Variants in CHD5 observed in about 807,000 individuals in gnomAD.
CHD5 encodes chromodomain helicase DNA binding protein 5.
In CHD5, 69 loss-of-function variants were observed where a neutral mutation model predicts 230.3. The observed-to-expected ratio is 0.30, with a 90% CI of 0.25 to 0.37. CHD5 has a LOEUF of 0.37. Ranked by LOEUF, CHD5 falls within the 10% of genes least tolerant of loss-of-function variation. The probability of loss-of-function intolerance (pLI) is 1.00; values close to 1 mark genes in which losing one functional copy is unlikely to be tolerated. For missense variants in CHD5, 1,827 were observed against 2,622.8 expected, an observed-to-expected ratio of 0.70 and a Z score of 6.63; for synonymous variants, 1,064 against 1,065.9, an observed-to-expected ratio of 1.00 and a Z score of 0.03.
chr1:6,176,436 T>C (rs1289327327), intron 1 of CHD5, among the ~76,000 whole-genome samples: 2 of 152,180 alleles, frequency 1.3e-5, no homozygotes, highest in Non-Finnish European at 2.9e-5. Flanking sequence ...AGGCAGGGAA[T>C]TTGCCAGCCC....
In CHD5 at chr1:6,121,068, A is replaced by G; in HGVS notation, c.4912+37T>C. On this transcript the variant is annotated intron_variant, in intron 33 of 41. Transcript: ENST00000262450. The surrounding 1 kb of genome is among the most constrained non-coding windows in gnomAD (Gnocchi z 4.5). ...GAACCCAGGCCTGCTGAGGCCAGAC[A>G]TGGCACTGGGGTGGGTGGCCTGCAA... 1.3e-6 allele frequency: 2 copies of G among 1,543,968 alleles called. No individual in the cohort carries two copies. Among genetic ancestry groups the G allele is most frequent in the East Asian group, 4.5e-5 (2 of 44,160 alleles).
chr1:6,111,839 A>G lies in CHD5; in HGVS notation c.5185T>C (p.Ser1729Pro). 6.2e-7 allele frequency: 1 copy of G among 1,613,394 alleles called. No homozygotes were observed. The highest frequency in any genetic ancestry group is 8.5e-7 in the Non-Finnish European group (1 of 1,180,016). The change falls in exon 36 of 42, where the codon TCT (serine) becomes CCT (proline). Residue 1729 changes from serine (S) to proline (P), a missense_variant. Ser to Pro is a moderately conservative substitution (Grantham distance 74, BLOSUM62 -1). Transcript: ENST00000262450. ...TGCCAGATGTCGTAGATTTTCCCAGAGGATACAGCAGCCCGCTCCTCGTTC... is the reference window on the plus strand; with the variant it reads ...TGCCAGATGTCGTAGATTTTCCCAGGGGATACAGCAGCCCGCTCCTCGTTC... ...WQNEERAAVS[S>P]GKIYDIWHRR...
chr1:6,142,462 C>T lies in CHD5; in HGVS notation c.2187G>A (p.Leu729=). The change falls in exon 14 of 42, where the codon CTG becomes CTA. Residue 729 remains leucine, a synonymous_variant. Transcript: ENST00000262450. The surrounding 1 kb of genome is among the most constrained non-coding windows in gnomAD (Gnocchi z 5.2). ...TDTILADEMG[L]GKTVQTIVFL... ...ACACGATGGTCTGCACCGTCTTGCCCAGACCCATCTCATCGGCCAGGATGG... is the reference window on the plus strand; with the variant it reads ...ACACGATGGTCTGCACCGTCTTGCCTAGACCCATCTCATCGGCCAGGATGG... 1 of 1,614,168 alleles carries T rather than the reference C, an allele frequency of 6.2e-7. No individual in the cohort carries two copies. The highest frequency in any genetic ancestry group is 8.5e-7 in the Non-Finnish European group (1 of 1,180,012).
At chr1:6,177,113 G>T (rs1032907530) in intron 1 of CHD5, among the ~76,000 whole-genome samples, 1 of 152,168 alleles carries the variant, frequency 6.6e-6, no homozygotes, top group Non-Finnish European at 1.5e-5. Context: ...AAAAAAGATC[G>T]GACAAGTCAT....
intron 1 of CHD5, 46 bp from the exon 2 acceptor site, chr1:6,168,323 A>G: frequency 6.4e-7 from 1 of 1,560,520 alleles, no homozygotes; most frequent in Non-Finnish European, 8.7e-7. Flanking sequence ...AGCTTCCTCC[A>G]GGAGAGCCCT....
Position 6,142,674 on chromosome 1 carries a change from T to A in CHD5, c.2044-69A>T. On this transcript the variant is annotated intron_variant, in intron 13 of 41. Coordinates refer to ENST00000262450, the MANE Select transcript of CHD5 (RefSeq NM_015557.3). The surrounding 1 kb of genome is among the most constrained non-coding windows in gnomAD (Gnocchi z 5.2). ...CACCAGAGTCCACACTACAGGCCTT[T>A]GCACATGCAATTCCTTCTGCCTGGA... The A allele has an allele frequency of 6.9e-7, 1 of 1,457,590 alleles. No homozygotes were observed. Among genetic ancestry groups the A allele is most frequent in the African/African-American group, 1.4e-5 (1 of 71,562 alleles). The allele number at this position is 1,457,590 out of a possible 1,614,324, so 90.3% of individuals were successfully genotyped here.
In CHD5 at chr1:6,152,475, T is replaced by C. The variant is rs1450196682; in HGVS notation, c.807A>G (p.Lys269=). 1.2e-6 allele frequency: 2 copies of C among 1,614,092 alleles called. No individual in the cohort carries two copies. Among genetic ancestry groups the C allele is most frequent in the Non-Finnish European group, 1.7e-6 (2 of 1,180,050 alleles). The change falls in exon 6 of 42, where the codon AAA becomes AAG. Residue 269 remains lysine (K), a synonymous_variant. Transcript: ENST00000262450. ...SKDGKKKGKG[K]KTAGLKFRFG... ...AGCGGAACTTGAGCCCGGCCGTCTT[T>C]TTCCCTTTGCCCTTTTTCTTCCCAT...
At chr1:6,153,981 G>T (rs1667043867) in intron 5 of CHD5, among the ~76,000 whole-genome samples, 1 of 152,100 alleles carries the variant, frequency 6.6e-6, no homozygotes, top group African/African-American at 2.4e-5. Context: ...TCAAGTCACA[G>T]GGGGCCTCTG....
chr1:6,133,597 C>T (rs963592371), intron 20 of CHD5, among the ~76,000 whole-genome samples: 4 of 152,258 alleles, frequency 2.6e-5, no homozygotes, highest in African/African-American at 9.6e-5. Flanking sequence ...CTGTCTCCCA[C>T]AGTAGACTGA....
Position 6,130,114 on chromosome 1 carries a change from T to G in CHD5, c.3387+90A>C. On this transcript the variant is annotated intron_variant, in intron 22 of 41. Coordinates refer to ENST00000262450, the MANE Select transcript of CHD5 (RefSeq NM_015557.3). The surrounding 1 kb of genome is among the most constrained non-coding windows in gnomAD (Gnocchi z 4.9). ...CACAGCACCAGGATAGGTGAGGGGG[T>G]GATGGCAAGAAGGGCATGAAGGACA... 2.1e-6 allele frequency: 3 copies of G among 1,451,872 alleles called. No individual in the cohort carries two copies. Among genetic ancestry groups the G allele is most frequent in the East Asian group, 2.3e-5 (1 of 42,996 alleles). 89.9% of individuals were successfully genotyped at this position (1,451,872 alleles called of 1,614,324 possible). A position where few individuals can be genotyped will look rare whatever the true frequency, so the allele number is the denominator to read the frequency against.
In CHD5 at chr1:6,121,676, G is replaced by C; in HGVS notation, c.4700-103C>G. 1 of 755,498 alleles carries C rather than the reference G, an allele frequency of 1.3e-6. No homozygotes were observed. Among genetic ancestry groups the C allele is most frequent in the Non-Finnish European group, 2.2e-6 (1 of 453,360 alleles). The allele number at this position is 755,498 out of a possible 1,614,324, so 46.8% of individuals were successfully genotyped here. ...GGAGAGATGGGGGCTTGGCCTTCGG[G>C]AGGCTCCACTGCAGCCAAGCACCTC... On this transcript the variant is annotated intron_variant, in intron 31 of 41. Transcript: ENST00000262450. The surrounding 1 kb of genome is among the most constrained non-coding windows in gnomAD (Gnocchi z 4.5).
Position 6,115,382 on chromosome 1 carries a change from G to A in CHD5, c.4913-2384C>T, listed in dbSNP as rs140168610. The stretch of plus-strand genomic sequence containing the variant: ...CGCCCTGCAAGATCCCCTGGAAGGT[G>A]AAGAGGACAAACTCGACTCCCCAGA... On this transcript the variant is annotated intron_variant, in intron 33 of 41. Coordinates refer to ENST00000262450, the MANE Select transcript of CHD5 (RefSeq NM_015557.3). Among the ~76,000 whole-genome samples the A allele has an allele frequency of 6.1e-3, 922 of 152,322 alleles. 9 individuals are homozygous for A. Among genetic ancestry groups the A allele is most frequent in the African/African-American group, 0.021 (868 of 41,564 alleles).
intron 3 of CHD5, 114 bp downstream of exon 3, chr1:6,159,222 C>G: frequency 6.9e-7 from 1 of 1,446,106 alleles, no homozygotes; most frequent in Non-Finnish European, 9.1e-7. Context: ...CAGAGTGAGA[C>G]TCCATCACAC....
chr1:6,144,200 C>T (rs762575362), intron 11 of CHD5, 45 bp from the exon 12 acceptor site: 2 of 1,610,934 alleles, frequency 1.2e-6, no homozygotes, highest in East Asian at 2.2e-5. Context: ...GCAGTGGCCA[C>T]AGCACAGGTT....
intron 1 of CHD5, among the ~76,000 whole-genome samples, chr1:6,174,567 T>C (rs528080235): frequency 6.8e-5 from 10 of 147,198 alleles, no homozygotes; most frequent in Admixed American, 6.7e-4. Flanking sequence ...GGACGGATGG[T>C]GGATGGGTGG....
In CHD5 at chr1:6,143,839, T is replaced by G. The variant is rs1666869297; in HGVS notation, c.2027A>C (p.Asp676Ala). The change falls in exon 13 of 42, where the codon GAC becomes GCC. Residue 676 changes from aspartate to alanine, a missense_variant. Asp to Ala is a moderately radical substitution (Grantham distance 126, BLOSUM62 -2). Around this residue, in one of 14 missense-constraint regions of CHD5, gnomAD observed 657 missense variants for 816.4 expected, o/e 0.80. Coordinates refer to ENST00000262450, the MANE Select transcript of CHD5 (RefSeq NM_015557.3). ...CCCACTCACGTCCACAATGGGCGTG[T>G]CCGGCGGCTTCTCCTGCTTGTCGTC... Reference protein sequence around the residue: ...LRDDKQEKPPDTPIVDPTVKF... With the variant: ...LRDDKQEKPPATPIVDPTVKF... The G allele has an allele frequency of 1.2e-6, 2 of 1,611,466 alleles. No individual in the cohort carries two copies. The highest frequency in any genetic ancestry group is 8.5e-7 in the Non-Finnish European group (1 of 1,179,738).
intron 1 of CHD5, among the ~76,000 whole-genome samples, chr1:6,168,880 G>A (rs977995355): frequency 9.2e-5 from 14 of 152,092 alleles, no homozygotes; most frequent in Admixed American, 2.6e-4. Flanking sequence ...TTAGCTGGGC[G>A]TGGTGGTGGG....
chr1:6,136,861 T>G lies in CHD5; in HGVS notation c.2441A>C (p.Glu814Ala), dbSNP rs757005064. 6.2e-7 allele frequency: 1 copy of G among 1,606,598 alleles called. No individual in the cohort carries two copies. The highest frequency in any genetic ancestry group is 8.5e-7 in the Non-Finnish European group (1 of 1,175,530). ...CAGCACGTGGAATTTGATCTGCACT[T>G]CTTTCTGGAGAAAAGAGGGGCATTG... ...SGKKVFRMKKEVQIKFHVLLT... is the reference protein window; with the variant it reads ...SGKKVFRMKKAVQIKFHVLLT... The change falls in exon 16 of 42, where the codon GAA (glutamate) becomes GCA (alanine). Residue 814 changes from glutamate (E) to alanine (A), a missense_variant. This residue lies in a region of CHD5 where 80 missense variants were observed against 96.4 expected (regional missense o/e 0.83). Transcript: ENST00000262450.
rs534308105 is a variant in CHD5, at chr1:6,146,025, C to T, written c.1802+187G>A. On this transcript the variant is annotated intron_variant, in intron 11 of 41. Transcript: ENST00000262450. This position sits in a 1 kb window ranked among gnomAD's most constrained non-coding sequence, Gnocchi z 5.1. ...GCATGGGACGGCCCCTCTAGCAGGT[C>T]AGGCAGATCTCCAGCACTGGGAACC... Among the ~76,000 whole-genome samples, 21 of 152,292 alleles carry T rather than the reference C, an allele frequency of 1.4e-4. No individual in the cohort carries two copies. The highest frequency in any genetic ancestry group is 7.7e-4 in the East Asian group (4 of 5,182).
Sources: gnomAD v4.1 joint callset for allele counts (sites outside exome capture counted in the v4.1 genomes callset) on GRCh38, gnomAD v4.1.1 for gene constraint, gnomAD v4.1.1 regional missense constraint, Gnocchi (gnomAD v3.1) non-coding constraint, MANE v1.5 for transcripts, NCBI Gene and HGNC (gene_info 2026-07-23, HGNC 2026-07-21) for gene names.